Variants in ASMTL observed in about 807,000 individuals in gnomAD.
ASMTL encodes the protein acetylserotonin O-methyltransferase like, also known as probable bifunctional dTTP/UTP pyrophosphatase/methyltransferase protein.
A neutral mutation model predicts 60.3 loss-of-function variants in ASMTL; 57 were observed. The observed-to-expected ratio is 0.95, with a 90% CI of 0.76 to 1.18. The LOEUF (loss-of-function observed/expected upper bound fraction) is 1.18, where lower values mean the gene tolerates loss of function less well. Ranked by LOEUF, ASMTL falls within the 50% of genes most tolerant of loss-of-function variation. The pLI is 0.00. For synonymous variants in ASMTL, 419 were observed against 373.0 expected (o/e 1.12, Z -1.42); for missense variants, 981 against 852.6 (o/e 1.15, Z -1.88).
intron 11 of ASMTL, among the ~76,000 whole-genome samples, chrX:1,415,787 C>T (rs2090222669): frequency 1.3e-5 from 2 of 152,172 alleles, no homozygotes; most frequent in Admixed American, 6.6e-5. Context: ...TTTGGAGATG[C>T]CCTCGTGTCT....
At position 1,418,099 on chromosome X, in the gene ASMTL, C is replaced by T; in HGVS notation, c.1396G>A (p.Ala466Thr). 6.2e-7 allele frequency: 1 copy of T among 1,607,872 alleles called. No homozygotes were observed. Among genetic ancestry groups the T allele is most frequent in the Non-Finnish European group, 8.5e-7 (1 of 1,176,060 alleles). Residue 466 changes from alanine (A) to threonine (T), a missense_variant, in exon 11 of 13, where the codon GCC becomes ACC. By Grantham distance (58) the Ala-to-Thr change is moderately conservative (BLOSUM62 0). Transcript: ENST00000381317. The stretch of plus-strand genomic sequence containing the variant: ...GGGTACTCACGGGCCAGCTCTCGGG[C>T]CAGTGCACCCGTGCAGCCTGCGGGG... ...CDVGGCTGAL[A>T]RELAREYPRM...
intron 3 of ASMTL, 104 bp downstream of exon 3, chrX:1,438,993 A>T: frequency 8.0e-7 from 1 of 1,253,808 alleles, no homozygotes; most frequent in Non-Finnish European, 1.2e-6. Context: ...AAGCGAGTCC[A>T]CTGCTGTCTT....
chrX:1,443,168 C>A (rs1482962505), intron 1 of ASMTL, among the ~76,000 whole-genome samples: 1 of 151,614 alleles, frequency 6.6e-6, no homozygotes, highest in Non-Finnish European at 1.5e-5. Context: ...ACACCGCCAT[C>A]GTGGACACAC....
At chrX:1,428,188 G>A (rs1415441214) in intron 6 of ASMTL, 67 bp from the exon 7 acceptor site, 11 of 1,528,058 alleles carry the variant, frequency 7.2e-6, no homozygotes, top group Admixed American at 3.8e-5. Flanking sequence ...AACATTTCAC[G>A]GCTGGGAGGC....
At chrX:1,422,084 G>A (rs1475405280) in intron 8 of ASMTL, among the ~76,000 whole-genome samples, 6 of 152,096 alleles carry the variant, frequency 3.9e-5, no homozygotes, top group East Asian at 1.9e-4. Context: ...CAGCCACCAC[G>A]CCCCAGCTGT....
intron 12 of ASMTL, among the ~76,000 whole-genome samples, chrX:1,411,802 TTTTC>T (rs2090035083): frequency 8.4e-6 from 1 of 118,464 alleles, no homozygotes; most frequent in African/African-American, 3.2e-5. Context: ...CTCTTTAGGA[TTTTC>T]TTTTTTTTTT....
chrX:1,433,559 C>A (rs1445067841), intron 5 of ASMTL, among the ~76,000 whole-genome samples: 1 of 149,564 alleles, frequency 6.7e-6, no homozygotes, highest in African/African-American at 2.5e-5. Flanking sequence ...GCGGGCCCGT[C>A]GTCCCAGCTA....
At chrX:1,428,685 T>C (rs186621116) in intron 6 of ASMTL, among the ~76,000 whole-genome samples, 85 of 44,230 alleles carry the variant, frequency 1.9e-3, no homozygotes, top group Middle Eastern at 0.018. Flanking sequence ...ATGTGTTAAA[T>C]GGGATGTTTT....
At chrX:1,437,360 G>A (rs1448873249) in intron 3 of ASMTL, among the ~76,000 whole-genome samples, 1 of 150,324 alleles carries the variant, frequency 6.7e-6, no homozygotes, top group Admixed American at 6.7e-5. Flanking sequence ...TAGACTGGGT[G>A]GCTTATAAAC....
At chrX:1,426,207 C>T (rs765632442) in intron 7 of ASMTL, among the ~76,000 whole-genome samples, 1 of 152,212 alleles carries the variant, frequency 6.6e-6, no homozygotes, top group African/African-American at 2.4e-5. Context: ...CAGCCCTGCC[C>T]ACACGTTGAT....
intron 3 of ASMTL, among the ~76,000 whole-genome samples, chrX:1,436,579 C>G (rs1427517348): frequency 6.6e-6 from 1 of 152,174 alleles, no homozygotes; most frequent in African/African-American, 2.4e-5. Flanking sequence ...GTCTCGATCT[C>G]CTGACCTTGT....
At chrX:1,435,156 C>T (rs2090926479) in intron 4 of ASMTL, 73 bp from the exon 5 acceptor site, 4 of 1,520,212 alleles carry the variant, frequency 2.6e-6, no homozygotes, top group South Asian at 2.2e-5. Flanking sequence ...TTTCTCAAAA[C>T]CAGGGGAGGC....
chrX:1,442,147 A>G, intron 2 of ASMTL, 39 bp downstream of exon 2: 1 of 1,605,108 alleles, frequency 6.2e-7, no homozygotes, highest in Non-Finnish European at 8.5e-7. Context: ...ATCACAGCAA[A>G]GGAATTTTCA....
intron 9 of ASMTL, among the ~76,000 whole-genome samples, chrX:1,420,591 G>A (rs1444452528): frequency 2.0e-5 from 3 of 152,164 alleles, no homozygotes; most frequent in East Asian, 1.9e-4. Context: ...CCTGCAGACC[G>A]AGACCCACCC....
intron 3 of ASMTL, among the ~76,000 whole-genome samples, chrX:1,437,660 T>A (rs866818120): frequency 6.8e-6 from 1 of 147,958 alleles, no homozygotes; most frequent in African/African-American, 2.5e-5. Flanking sequence ...CACTTTGGGA[T>A]GCCGAGGCGG....
In ASMTL at chrX:1,427,966, C is replaced by T. The variant is rs1364060583; in HGVS notation, c.665G>A (p.Arg222Gln). Residue 222 changes from arginine (R) to glutamine (Q), a missense_variant, in exon 7 of 13, where the codon CGG (arginine) becomes CAG (glutamine). Coordinates refer to ENST00000381317, the MANE Select transcript of ASMTL (RefSeq NM_004192.4). ...YYPPRPEDLR[R>Q]SVKHDSIPAA... The stretch of plus-strand genomic sequence containing the variant: ...CGGGATGGAGTCGTGCTTGACACTC[C>T]GCCGCAGGTCCTCCGGACGGGGCGG... 22 of 1,613,388 alleles carry T rather than the reference C, an allele frequency of 1.4e-5. No homozygotes were observed. The highest frequency in any genetic ancestry group is 1.7e-5 in the Admixed American group (1 of 60,004).
chrX:1,425,152 TTATCATC>T (rs1322777223), intron 8 of ASMTL, among the ~76,000 whole-genome samples: 4 of 152,232 alleles, frequency 2.6e-5, no homozygotes, highest in Non-Finnish European at 5.9e-5. Context: ...ATCTATGCAT[TTATCATC>T]TATCTATGTA....
chrX:1,411,298 C>T lies in ASMTL; in HGVS notation c.1645+1434G>A, dbSNP rs191405957. 9.2e-5 allele frequency among the ~76,000 whole-genome samples: 14 copies of T among 152,290 alleles called. No homozygotes were observed. In the East Asian group the frequency reaches 1.7e-3, roughly 19 times the overall value. Reference sequence around the variant, plus strand: ...GCCTATGGGGAGTCCTGTTTCAACGCGCAGGTGCCAGGCCCTGGCTCTGTG... The same window carrying T: ...GCCTATGGGGAGTCCTGTTTCAACGTGCAGGTGCCAGGCCCTGGCTCTGTG... On this transcript the variant is annotated intron_variant, in intron 12 of 12. Coordinates refer to ENST00000381317, the MANE Select transcript of ASMTL (RefSeq NM_004192.4).
intron 12 of ASMTL, among the ~76,000 whole-genome samples, chrX:1,411,197 A>T (rs1198595902): frequency 7.0e-6 from 1 of 142,522 alleles, no homozygotes; most frequent in South Asian, 2.4e-4. Context: ...AAAAAAAAAG[A>T]AGAGAGATAC....
Sources: allele counts gnomAD v4.1 joint callset (sites outside exome capture counted in the v4.1 genomes callset), GRCh38; gene constraint gnomAD v4.1.1; transcripts MANE v1.5; gene names NCBI Gene and HGNC (gene_info 2026-07-23, HGNC 2026-07-21).